The following ARHGEF7 variants were observed in gnomAD, a reference collection of about 807,000 sequenced individuals.
The protein encoded by ARHGEF7 is Rho guanine nucleotide exchange factor 7, also known as PAK-interacting exchange factor beta.
ARHGEF7 carries 33 observed loss-of-function variants against 109.8 expected under a neutral mutation model. That is an observed-to-expected ratio of 0.30 (90% CI 0.23 to 0.40). ARHGEF7 has a LOEUF of 0.40. Ranked by LOEUF, ARHGEF7 falls within the 10% of genes least tolerant of loss-of-function variation. The pLI is 1.00. For missense variants in ARHGEF7, 938 were observed against 1,098.5 expected (o/e 0.85, Z 2.07); for synonymous variants, 458 against 424.6 (o/e 1.08, Z -0.97).
chr13:111,214,440 A>G (rs1018104247), intron 4 of ARHGEF7, among the ~76,000 whole-genome samples: 3 of 152,238 alleles, frequency 2.0e-5, no homozygotes, highest in African/African-American at 7.2e-5. Flanking sequence ...ACCAGGGTGC[A>G]TGCACTGTGA....
At chr13:111,146,308 T>C (rs961111959) in intron 1 of ARHGEF7, among the ~76,000 whole-genome samples, 3 of 152,240 alleles carry the variant, frequency 2.0e-5, no homozygotes, top group South Asian at 2.1e-4. Context: ...AGGGAACTTG[T>C]TGGAAATCCA....
intron 5 of ARHGEF7, among the ~76,000 whole-genome samples, chr13:111,223,377 A>AC (rs2084739017): frequency 6.6e-6 from 1 of 152,218 alleles, no homozygotes; most frequent in Admixed American, 6.5e-5. Context: ...TCATGAAAAC[A>AC]CTGACTTCCT....
chr13:111,221,011 TTATA>T (rs2153496842), intron 5 of ARHGEF7, among the ~76,000 whole-genome samples: 1 of 149,048 alleles, frequency 6.7e-6, no homozygotes, highest in South Asian at 2.1e-4. Context: ...GGGGAGTTTA[TTATA>T]TATACATGTT....
intron 5 of ARHGEF7, among the ~76,000 whole-genome samples, chr13:111,221,401 C>A (rs1186898103): frequency 3.4e-4 from 6 of 17,802 alleles, no homozygotes; most frequent in East Asian, 7.6e-4. Flanking sequence ...GTCTATATAT[C>A]TATATATATA....
chr13:111,151,509 C>T (rs1321921535), intron 1 of ARHGEF7, among the ~76,000 whole-genome samples: 4 of 152,166 alleles, frequency 2.6e-5, no homozygotes, highest in Non-Finnish European at 4.4e-5. Flanking sequence ...TATTGGTTGT[C>T]GTCTCATGAA....
Position 111,303,191 on chromosome 13 carries a change from T to A in ARHGEF7, c.*78T>A. The A allele has an allele frequency of 5.2e-6, 5 of 967,766 alleles. No individual in the cohort carries two copies. The highest frequency in any genetic ancestry group is 1.4e-5 in the South Asian group (1 of 69,640). 59.9% of individuals were successfully genotyped at this position (967,766 alleles called of 1,614,324 possible). Reference sequence around the variant, plus strand: ...ACCCCTGACCCAAGTCGGGGTGCACTCAGGACCACAGGGCAGGGCTGGGTG... The same window carrying A: ...ACCCCTGACCCAAGTCGGGGTGCACACAGGACCACAGGGCAGGGCTGGGTG... On this transcript the variant is annotated 3_prime_UTR_variant, in exon 22 of 22. Coordinates refer to ENST00000646102, the MANE Select transcript of ARHGEF7 (RefSeq NM_001354046.2).
intron 3 of ARHGEF7, 56 bp downstream of exon 3, chr13:111,205,429 T>G (rs1441662557): frequency 7.7e-7 from 1 of 1,291,134 alleles, no homozygotes; most frequent in African/African-American, 1.5e-5. Context: ...GGCTGACACC[T>G]TTGGTTTTCT....
intron 2 of ARHGEF7, among the ~76,000 whole-genome samples, chr13:111,156,390 A>C (rs2076336773): frequency 6.6e-6 from 1 of 152,230 alleles, no homozygotes; most frequent in Non-Finnish European, 1.5e-5. Flanking sequence ...AAGAGTAAAT[A>C]TCTCTTCCAG....
At chr13:111,269,016 A>G (rs79496032) in intron 9 of ARHGEF7, among the ~76,000 whole-genome samples, 3,260 of 152,322 alleles carry the variant, frequency 0.021, 120 homozygotes, top group African/African-American at 0.075. Context: ...GTGAAAGGAA[A>G]GGAAGTTAGA....
intron 2 of ARHGEF7, among the ~76,000 whole-genome samples, chr13:111,155,935 A>G (rs1807196137): frequency 1.3e-5 from 2 of 152,022 alleles, no homozygotes; most frequent in Non-Finnish European, 2.9e-5. Flanking sequence ...AAAAACAAAA[A>G]TTAGCCCGGC....
chr13:111,115,607 G>C lies in ARHGEF7; in HGVS notation c.81G>C (p.Pro27=), dbSNP rs574777537. The change falls in exon 1 of 22, where the codon CCG becomes CCC. Residue 27 remains proline, a synonymous_variant. Coordinates refer to ENST00000646102, the MANE Select transcript of ARHGEF7 (RefSeq NM_001354046.2). The part of the protein sequence containing the change: ...LESPKKTISD[P]EGFLQASLKD... ...CGCCCAAAAAAACCATCTCGGACCC[G>C]GAGGGCTTTCTGCAGGCGTCGCTGA... 2.8e-6 allele frequency: 4 copies of C among 1,416,846 alleles called. No individual in the cohort carries two copies. The South Asian group carries it at 5.5e-5, about 19-fold the overall frequency. 87.8% of individuals were successfully genotyped at this position (1,416,846 alleles called of 1,614,324 possible).
intron 21 of ARHGEF7, 73 bp from the exon 22 acceptor site, chr13:111,302,918 T>G: frequency 6.3e-7 from 1 of 1,583,256 alleles, no homozygotes; most frequent in Non-Finnish European, 8.6e-7. Flanking sequence ...TCCTCAAGGA[T>G]ACACATTTGG....
chr13:111,245,766 G>A lies in ARHGEF7; in HGVS notation c.950+1472G>A, dbSNP rs948043895. Among the ~76,000 whole-genome samples the A allele has an allele frequency of 5.3e-5, 8 of 152,266 alleles. 1 individual carries two copies. The South Asian group carries it at 1.2e-3, about 24-fold the overall frequency. On this transcript the variant is annotated intron_variant, in intron 8 of 21. Transcript: ENST00000646102. The stretch of plus-strand genomic sequence containing the variant: ...CTGCTTTACGACTTACTTTGAACTC[G>A]AATAAGAAAATTGCTCAAATTTGCC...
At position 111,275,642 on chromosome 13, in the gene ARHGEF7, C is replaced by T; in HGVS notation, c.1383C>T (p.Tyr461=). 8 of 1,614,184 alleles carry T rather than the reference C, an allele frequency of 5.0e-6. No individual in the cohort carries two copies. Among genetic ancestry groups the T allele is most frequent in the Non-Finnish European group, 6.8e-6 (8 of 1,180,028 alleles). The stretch of plus-strand genomic sequence containing the variant: ...TTAAAACTCTGGGCAACGTCACTTA[C>T]ATGTCCCAGGTCCTGATTCAGTGTG... ...DDIKTLGNVT[Y]MSQVLIQCAG... The change falls in exon 12 of 22, where the codon TAC becomes TAT. Residue 461 remains tyrosine, a synonymous_variant. Coordinates refer to ENST00000646102, the MANE Select transcript of ARHGEF7 (RefSeq NM_001354046.2).
At chr13:111,143,672 TCA>T (rs1410912633) in intron 1 of ARHGEF7, 2 of 152,156 alleles carry the variant, frequency 1.3e-5, no homozygotes, top group African/African-American at 2.4e-5. Flanking sequence ...TGTACTGCTC[TCA>T]GTTTTCTTGT....
chr13:111,293,508 A>G (rs2093351595), intron 19 of ARHGEF7: 26 of 984,910 alleles, frequency 2.6e-5, no homozygotes, highest in Non-Finnish European at 3.1e-5. Context: ...CCTCACTCAG[A>G]CCAATTTCTG....
In ARHGEF7 at chr13:111,128,149, C is replaced by A. The variant is rs533629751; in HGVS notation, c.165+12458C>A. Among the ~76,000 whole-genome samples the A allele has an allele frequency of 4.6e-5, 7 of 152,308 alleles. No individual in the cohort carries two copies. The East Asian group carries it at 1.3e-3, about 29-fold the overall frequency. Reference sequence around the variant, plus strand: ...AAAGCTTTCCCCCTAAGATCAGGAACAAGACAGGGGTGTTCACTCTTACCA... The same window carrying A: ...AAAGCTTTCCCCCTAAGATCAGGAAAAAGACAGGGGTGTTCACTCTTACCA... On this transcript the variant is annotated intron_variant, in intron 1 of 21. Coordinates refer to ENST00000646102, the MANE Select transcript of ARHGEF7 (RefSeq NM_001354046.2).
At chr13:111,270,310 A>G (rs1179477994) in intron 9 of ARHGEF7, among the ~76,000 whole-genome samples, 1 of 152,218 alleles carries the variant, frequency 6.6e-6, no homozygotes, top group African/African-American at 2.4e-5. Context: ...GTAAGGACTG[A>G]GGAGACCCAC....
rs59647451 is a variant in ARHGEF7 at position 111,183,343 on chromosome 13, CT to C, written c.253-21934del. ...AGCATTTGGATGGGAGTATTGGCACCTTTTTTTTTTTTAAACAAAAATGTTC... is the reference window on the plus strand; with the variant it reads ...AGCATTTGGATGGGAGTATTGGCACCTTTTTTTTTTTAAACAAAAATGTTC... On this transcript the variant is annotated intron_variant, in intron 2 of 21. Transcript: ENST00000646102. Among the ~76,000 whole-genome samples, 308 of 144,922 alleles carry C rather than the reference CT, an allele frequency of 2.1e-3. 1 individual carries two copies. The highest frequency in any genetic ancestry group is 4.2e-3 in the African/African-American group (167 of 39,598).
Sources: allele counts gnomAD v4.1 joint callset (sites outside exome capture counted in the v4.1 genomes callset), GRCh38; gene constraint gnomAD v4.1.1; transcripts MANE v1.5; gene names NCBI Gene and HGNC (gene_info 2026-07-23, HGNC 2026-07-21).